Variants in MDFIC2 observed in about 807,000 individuals in gnomAD.
The protein encoded by MDFIC2 is myoD family inhibitor domain-containing protein 2.
At chr3:70,248,353 T>A (rs372544064) in intron 2 of MDFIC2, among the ~76,000 whole-genome samples, 1 of 151,924 alleles carries the variant, frequency 6.6e-6, no homozygotes, top group Non-Finnish European at 1.5e-5. Context: ...GGAGAAAAAA[T>A]TTTGAAAAGC....
intron 2 of MDFIC2, among the ~76,000 whole-genome samples, chr3:70,241,562 T>G (rs1015441572): frequency 6.6e-6 from 1 of 152,154 alleles, no homozygotes; most frequent in Non-Finnish European, 1.5e-5. Flanking sequence ...AAAGGTATTC[T>G]TGTTAGTATT....
chr3:70,245,749 A>T (rs572989546), intron 2 of MDFIC2, among the ~76,000 whole-genome samples: 25 of 139,382 alleles, frequency 1.8e-4, no homozygotes, highest in African/African-American at 6.0e-4. Flanking sequence ...TCCCTGAGTT[A>T]TGTAATTGCT....
intron 2 of MDFIC2, among the ~76,000 whole-genome samples, chr3:70,288,375 G>C (rs1486519946): frequency 7.2e-6 from 1 of 139,618 alleles, no homozygotes; most frequent in African/African-American, 2.7e-5. Flanking sequence ...GGTTTTGAGT[G>C]AGATTCTTAA....
intron 2 of MDFIC2, among the ~76,000 whole-genome samples, chr3:70,300,646 A>T (rs1219337458): frequency 6.6e-6 from 1 of 152,030 alleles, no homozygotes; most frequent in Non-Finnish European, 1.5e-5. Flanking sequence ...TATTTCTCCC[A>T]GTTGTATCTA....
At chr3:70,301,470 A>G (rs1231296776) in intron 2 of MDFIC2, among the ~76,000 whole-genome samples, 1 of 152,130 alleles carries the variant, frequency 6.6e-6, no homozygotes, top group South Asian at 2.1e-4. Context: ...CAACTGAATT[A>G]TAAGTTTCTT....
At chr3:70,230,226 G>A (rs753398402) in intron 2 of MDFIC2, among the ~76,000 whole-genome samples, 2 of 152,116 alleles carry the variant, frequency 1.3e-5, no homozygotes, top group African/African-American at 4.8e-5. Flanking sequence ...ATTTACATTG[G>A]ACAGTGAATG....
At chr3:70,288,786 T>A (rs1471898858) in intron 2 of MDFIC2, among the ~76,000 whole-genome samples, 2 of 151,940 alleles carry the variant, frequency 1.3e-5, no homozygotes, top group Non-Finnish European at 2.9e-5. Flanking sequence ...GCTCTTCTTG[T>A]TGAATTGATC....
At chr3:70,307,358 A>G (rs1472301862) in intron 2 of MDFIC2, among the ~76,000 whole-genome samples, 1 of 152,154 alleles carries the variant, frequency 6.6e-6, no homozygotes, top group African/African-American at 2.4e-5. Context: ...TAAACTGCAA[A>G]TGGCAACAAT....
chr3:70,201,867 C>T (rs961981002), intron 3 of MDFIC2, among the ~76,000 whole-genome samples: 2 of 152,186 alleles, frequency 1.3e-5, no homozygotes, highest in Admixed American at 1.3e-4. Flanking sequence ...TGTCTAGATT[C>T]AGCCAGTAGA....
chr3:70,285,880 C>T (rs868717084), intron 2 of MDFIC2, among the ~76,000 whole-genome samples: 75 of 151,784 alleles, frequency 4.9e-4, no homozygotes, highest in South Asian at 3.6e-3. Context: ...CTGTTCATGT[C>T]CTTCGCCCAC....
At chr3:70,277,253 G>T (rs1702036441) in intron 2 of MDFIC2, among the ~76,000 whole-genome samples, 1 of 152,146 alleles carries the variant, frequency 6.6e-6, no homozygotes, top group East Asian at 1.9e-4. Flanking sequence ...TGGAATTGTT[G>T]AAAGTGTTAG....
At chr3:70,292,626 T>A (rs936182691) in intron 2 of MDFIC2, among the ~76,000 whole-genome samples, 6 of 152,144 alleles carry the variant, frequency 3.9e-5, no homozygotes, top group African/African-American at 1.4e-4. Context: ...TTTTTCTCTA[T>A]GAAAAATAAC....
intron 2 of MDFIC2, among the ~76,000 whole-genome samples, chr3:70,219,070 C>A (rs949057258): frequency 6.6e-6 from 1 of 152,114 alleles, no homozygotes; most frequent in Non-Finnish European, 1.5e-5. Context: ...AAAATTATTT[C>A]TAAACACCAA....
chr3:70,308,501 C>T (rs1047966504), intron 2 of MDFIC2, among the ~76,000 whole-genome samples: 1 of 152,082 alleles, frequency 6.6e-6, no homozygotes, highest in African/African-American at 2.4e-5. Context: ...TGTAACAGCT[C>T]TGGCTGTGGC....
At chr3:70,296,035 A>G (rs1332176025) in intron 2 of MDFIC2, among the ~76,000 whole-genome samples, 1 of 152,192 alleles carries the variant, frequency 6.6e-6, no homozygotes, top group Non-Finnish European at 1.5e-5. Flanking sequence ...TTAACTTGTG[A>G]AAGACATCAC....
chr3:70,266,328 A>T (rs950849941), intron 2 of MDFIC2, among the ~76,000 whole-genome samples: 1 of 152,096 alleles, frequency 6.6e-6, no homozygotes, highest in Non-Finnish European at 1.5e-5. Flanking sequence ...GTTTTGATTA[A>T]ACTGTAATCG....
chr3:70,240,056 C>T (rs913137319), intron 2 of MDFIC2, among the ~76,000 whole-genome samples: 2 of 152,022 alleles, frequency 1.3e-5, no homozygotes, highest in Non-Finnish European at 2.9e-5. Flanking sequence ...TGCTTCAATG[C>T]TCAATACATC....
At chr3:70,202,519 T>A (rs551018127) in intron 3 of MDFIC2, among the ~76,000 whole-genome samples, 1 of 152,250 alleles carries the variant, frequency 6.6e-6, no homozygotes, top group Non-Finnish European at 1.5e-5. Context: ...GTATATTAAA[T>A]CTCCTCTATA....
intron 2 of MDFIC2, among the ~76,000 whole-genome samples, chr3:70,290,600 TC>T (rs1395099856): frequency 6.6e-6 from 1 of 152,216 alleles, no homozygotes; most frequent in Non-Finnish European, 1.5e-5. Flanking sequence ...AGTTCGAGTT[TC>T]CGGGCTGTTT....
Sources: allele counts gnomAD v4.1 joint callset (sites outside exome capture counted in the v4.1 genomes callset), GRCh38; gene constraint gnomAD v4.1.1; transcripts MANE v1.5; gene names NCBI Gene and HGNC (gene_info 2026-07-23, HGNC 2026-07-21).